The following ZNF385D variants were observed in gnomAD, a reference collection of about 807,000 sequenced individuals.
The protein encoded by ZNF385D is zinc finger protein 385D.
In ZNF385D, 15 loss-of-function variants were observed where a neutral mutation model predicts 35.8. That is an observed-to-expected ratio of 0.42 (90% CI 0.28 to 0.64). ZNF385D has a LOEUF of 0.64. ZNF385D is among the 30% of genes least tolerant of loss of function. ZNF385D has a pLI of 0.23. For synonymous variants in ZNF385D, 212 were observed against 186.8 expected, an observed-to-expected ratio of 1.13 and a Z score of -1.10; for missense variants, 474 against 494.6, an observed-to-expected ratio of 0.96 and a Z score of 0.39.
chr3:21,981,060 T>C (rs963260205), intron 3 of ZNF385D, among the ~76,000 whole-genome samples: 7 of 152,188 alleles, frequency 4.6e-5, no homozygotes, highest in Admixed American at 2.0e-4. Flanking sequence ...TAGAATAATT[T>C]CTAGTCCTCT....
At chr3:21,427,023 A>T (rs566900188) in intron 5 of ZNF385D, among the ~76,000 whole-genome samples, 1 of 152,202 alleles carries the variant, frequency 6.6e-6, no homozygotes, top group South Asian at 2.1e-4. Context: ...TCGCAGGAAG[A>T]TAGGACGAAT....
At chr3:22,021,670 G>C (rs554744260) in intron 3 of ZNF385D, among the ~76,000 whole-genome samples, 2 of 152,100 alleles carry the variant, frequency 1.3e-5, no homozygotes, top group East Asian at 1.9e-4. Context: ...AAATTTTTTT[G>C]AGAAGCTCAA....
intron 2 of ZNF385D, among the ~76,000 whole-genome samples, chr3:22,198,049 T>A (rs748019612): frequency 2.6e-5 from 4 of 152,096 alleles, no homozygotes; most frequent in Non-Finnish European, 5.9e-5. Context: ...TATGTATTCA[T>A]TAATTCTCAT....
chr3:21,541,887 CA>C (rs1043857156), intron 3 of ZNF385D, among the ~76,000 whole-genome samples: 2 of 151,970 alleles, frequency 1.3e-5, no homozygotes, highest in Admixed American at 1.3e-4. Flanking sequence ...AAAAGAGATA[CA>C]AAAAAACTGA....
rs1464464712 is a variant in ZNF385D, at chr3:22,143,102, T to TGTGC, written c.325+25714_325+25715insGCAC. 4.1e-5 allele frequency among the ~76,000 whole-genome samples: 6 copies of TGTGC among 144,784 alleles called. No individual in the cohort carries two copies. In the East Asian group the frequency reaches 1.2e-3, roughly 29 times the overall value. 95.0% of individuals were successfully genotyped at this position (144,784 alleles called of 152,430 possible). A position where few individuals can be genotyped will look rare whatever the true frequency, so the allele number is the denominator to read the frequency against. The stretch of plus-strand genomic sequence containing the variant: ...GTGTGTGTGTGTGTGTGTGTGTGTG[T>TGTGC]GACGGAGTCTCACTCTGTCGCCCAG... On this transcript the variant is annotated intron_variant, in intron 3 of 5. Transcript: ENST00000494108.
chr3:21,819,756 A>G (rs1200749969), intron 3 of ZNF385D, among the ~76,000 whole-genome samples: 2 of 85,842 alleles, frequency 2.3e-5, no homozygotes, highest in East Asian at 2.9e-4. Flanking sequence ...ACACGTACAC[A>G]TAATTATATA....
intron 3 of ZNF385D, among the ~76,000 whole-genome samples, chr3:21,971,108 T>G (rs1050853074): frequency 1.3e-5 from 2 of 151,914 alleles, no homozygotes; most frequent in Non-Finnish European, 2.9e-5. Flanking sequence ...TAATGAGTAA[T>G]AGGAAATCAT....
chr3:21,428,929 A>G (rs1701147892), intron 5 of ZNF385D, among the ~76,000 whole-genome samples: 1 of 63,006 alleles, frequency 1.6e-5, no homozygotes, highest in African/African-American at 5.5e-5. Context: ...GGCTCCAAGA[A>G]ATCCTTTTTT....
chr3:21,763,467 T>C (rs1298889892), intron 3 of ZNF385D, among the ~76,000 whole-genome samples: 1 of 152,156 alleles, frequency 6.6e-6, no homozygotes, highest in Non-Finnish European at 1.5e-5. Flanking sequence ...AACAAATACA[T>C]CAGCTTTGAG....
At chr3:21,703,311 T>C (rs561914763) in intron 1 of ZNF385D, among the ~76,000 whole-genome samples, 3 of 152,070 alleles carry the variant, frequency 2.0e-5, no homozygotes, top group Non-Finnish European at 4.4e-5. Flanking sequence ...ATCACGAGAA[T>C]AGCATGAGAA....
intron 3 of ZNF385D, among the ~76,000 whole-genome samples, chr3:21,886,598 C>T (rs565158697): frequency 6.6e-6 from 1 of 152,092 alleles, no homozygotes; most frequent in Non-Finnish European, 1.5e-5. Context: ...CTTGTTCAGG[C>T]CTAGTCTCAT....
intron 3 of ZNF385D, among the ~76,000 whole-genome samples, chr3:22,160,553 G>A (rs1230231526): frequency 6.6e-6 from 1 of 151,972 alleles, no homozygotes; most frequent in African/African-American, 2.4e-5. Flanking sequence ...ATCTTCTGGG[G>A]CAATCAATGG....
At chr3:21,982,434 G>A (rs371894895) in intron 3 of ZNF385D, among the ~76,000 whole-genome samples, 3 of 152,064 alleles carry the variant, frequency 2.0e-5, no homozygotes, top group Non-Finnish European at 4.4e-5. Flanking sequence ...CATTGACTTT[G>A]TATCCTCTAA....
chr3:22,050,872 A>ACAGATACC (rs1369187729), intron 3 of ZNF385D, among the ~76,000 whole-genome samples: 1 of 96,558 alleles, frequency 1.0e-5, no homozygotes. Flanking sequence ...TCAATGTGTT[A>ACAGATACC]TAATTTCTGT....
At chr3:21,833,015 G>A (rs1385701626) in intron 3 of ZNF385D, among the ~76,000 whole-genome samples, 3 of 151,946 alleles carry the variant, frequency 2.0e-5, no homozygotes, top group Non-Finnish European at 2.9e-5. Flanking sequence ...CTTTCCAATG[G>A]TAGCGCACAT....
chr3:22,022,819 C>G (rs1697303542), intron 3 of ZNF385D, among the ~76,000 whole-genome samples: 2 of 152,128 alleles, frequency 1.3e-5, no homozygotes, highest in East Asian at 1.9e-4. Flanking sequence ...ATAACATATG[C>G]AAAATAGTTA....
At chr3:21,620,803 A>G (rs145404311) in intron 2 of ZNF385D, among the ~76,000 whole-genome samples, 3 of 152,266 alleles carry the variant, frequency 2.0e-5, no homozygotes, top group Non-Finnish European at 4.4e-5. Context: ...ATTTTCCACA[A>G]CACTCTCGAG....
intron 3 of ZNF385D, among the ~76,000 whole-genome samples, chr3:21,975,600 C>T (rs936788662): frequency 5.3e-5 from 8 of 151,558 alleles, no homozygotes; most frequent in African/African-American, 1.9e-4. Context: ...ATGGATACCC[C>T]ATTTACTTTG....
chr3:22,271,019 T>C (rs1431205919), intron 2 of ZNF385D, among the ~76,000 whole-genome samples: 11 of 152,004 alleles, frequency 7.2e-5, no homozygotes, highest in Admixed American at 2.6e-4. Context: ...TTTTTTGATG[T>C]CTTTACCCAA....
Sources: allele counts gnomAD v4.1 joint callset (sites outside exome capture counted in the v4.1 genomes callset), GRCh38; gene constraint gnomAD v4.1.1; transcripts MANE v1.5; gene names NCBI Gene and HGNC (gene_info 2026-07-23, HGNC 2026-07-21).